COL19A1: variants seen among roughly 807,000 people sequenced by gnomAD.
COL19A1 encodes the protein collagen alpha-1(XIX) chain.
A neutral mutation model predicts 190.2 loss-of-function variants in COL19A1; 159 were observed. The observed-to-expected ratio is 0.84, with a 90% CI of 0.73 to 0.95. COL19A1 has a LOEUF of 0.95. Ranked by LOEUF, COL19A1 falls within the 40% of genes least tolerant of loss-of-function variation. The pLI is 0.00. For missense variants in COL19A1, 1,418 were observed against 1,431.9 expected (o/e 0.99, Z 0.16); for synonymous variants, 509 against 458.9 (o/e 1.11, Z -1.39).
At chr6:69,891,045 AC>A in intron 2 of COL19A1, 1 of 365,336 alleles carries the variant, frequency 2.7e-6, no homozygotes, top group Non-Finnish European at 5.6e-6. Context: ...CAGTTGCATG[AC>A]CATTTGGAGT....
At chr6:70,162,275 G>C (rs1055680193) in intron 35 of COL19A1, among the ~76,000 whole-genome samples, 9 of 151,608 alleles carry the variant, frequency 5.9e-5, no homozygotes, top group Middle Eastern at 3.2e-3. Context: ...CTTTAGAAGA[G>C]ATAGTCAAAT....
At chr6:70,050,577 A>G (rs1374995720) in intron 14 of COL19A1, among the ~76,000 whole-genome samples, 1 of 152,074 alleles carries the variant, frequency 6.6e-6, no homozygotes, top group African/African-American at 2.4e-5. Context: ...TGACAAACAA[A>G]TTATTAAAGT....
At chr6:69,903,664 C>T (rs1770334013) in intron 4 of COL19A1, among the ~76,000 whole-genome samples, 1 of 152,206 alleles carries the variant, frequency 6.6e-6, no homozygotes, top group Non-Finnish European at 1.5e-5. Context: ...AGCTCAGCTC[C>T]CTTCCATAGC....
intron 41 of COL19A1, among the ~76,000 whole-genome samples, chr6:70,175,281 A>C (rs1416639084): frequency 6.6e-6 from 1 of 152,102 alleles, no homozygotes; most frequent in Non-Finnish European, 1.5e-5. Context: ...TCTTATTGTA[A>C]ATATAACCTT....
chr6:69,996,232 T>C (rs1776896680), intron 11 of COL19A1, among the ~76,000 whole-genome samples: 1 of 152,144 alleles, frequency 6.6e-6, no homozygotes, highest in Non-Finnish European at 1.5e-5. Flanking sequence ...TCACAAAGGA[T>C]AATAATAGAA....
intron 31 of COL19A1, among the ~76,000 whole-genome samples, chr6:70,153,068 C>T (rs912335375): frequency 6.6e-6 from 1 of 152,036 alleles, no homozygotes; most frequent in Non-Finnish European, 1.5e-5. Flanking sequence ...GAGTCCATAA[C>T]GAGCAGGACA....
chr6:69,869,647 G>A (rs1429585027), intron 1 of COL19A1, among the ~76,000 whole-genome samples: 1 of 152,182 alleles, frequency 6.6e-6, no homozygotes, highest in African/African-American at 2.4e-5. Flanking sequence ...AGATATATCT[G>A]TGGAACACAA....
intron 11 of COL19A1, among the ~76,000 whole-genome samples, chr6:69,996,916 T>G (rs1776935024): frequency 6.8e-6 from 1 of 146,024 alleles, no homozygotes; most frequent in African/African-American, 2.5e-5. Context: ...TCAAAAAGAC[T>G]TGTGTGTGTG....
intron 11 of COL19A1, among the ~76,000 whole-genome samples, chr6:70,010,527 G>A (rs960952890): frequency 2.1e-5 from 3 of 142,150 alleles, no homozygotes; most frequent in East Asian, 2.2e-4. Flanking sequence ...CGGAAGCAGG[G>A]CGAGGCATTG....
chr6:70,002,125 T>C (rs1178414691), intron 11 of COL19A1, among the ~76,000 whole-genome samples: 1 of 152,200 alleles, frequency 6.6e-6, no homozygotes, highest in Non-Finnish European at 1.5e-5. Flanking sequence ...GAGATAATCA[T>C]GTGGTTTTTG....
intron 41 of COL19A1, among the ~76,000 whole-genome samples, chr6:70,175,059 G>T (rs1426188967): frequency 6.6e-6 from 1 of 152,218 alleles, no homozygotes; most frequent in Non-Finnish European, 1.5e-5. Flanking sequence ...AAAAGTTCTA[G>T]TATATTAATT....
intron 16 of COL19A1, among the ~76,000 whole-genome samples, chr6:70,118,405 G>A (rs1335806823): frequency 6.6e-6 from 1 of 152,208 alleles, no homozygotes; most frequent in Non-Finnish European, 1.5e-5. Context: ...AGTCAGAGTA[G>A]AGGGGGACTT....
intron 11 of COL19A1, among the ~76,000 whole-genome samples, chr6:69,996,897 ATCTC>A (rs1218037464): frequency 6.9e-6 from 1 of 144,742 alleles, no homozygotes; most frequent in African/African-American, 2.8e-5. Context: ...ACTGTACATA[ATCTC>A]TCTCTCAAAA....
At chr6:69,963,222 T>C (rs1285878829) in intron 11 of COL19A1, among the ~76,000 whole-genome samples, 1 of 152,180 alleles carries the variant, frequency 6.6e-6, no homozygotes, top group Non-Finnish European at 1.5e-5. Flanking sequence ...GTACAACTGG[T>C]TTATCAGTGG....
intron 2 of COL19A1, among the ~76,000 whole-genome samples, chr6:69,884,122 G>A (rs1768750125): frequency 6.6e-6 from 1 of 152,040 alleles, no homozygotes; most frequent in Non-Finnish European, 1.5e-5. Context: ...ATTGCCTGAG[G>A]TCAGGAGTTC....
At chr6:70,088,927 A>G (rs1414527373) in intron 15 of COL19A1, among the ~76,000 whole-genome samples, 1 of 152,182 alleles carries the variant, frequency 6.6e-6, no homozygotes, top group East Asian at 1.9e-4. Flanking sequence ...ATTGTTTCCA[A>G]CATTAGCTCC....
chr6:69,909,694 G>A (rs2149985013), intron 4 of COL19A1, among the ~76,000 whole-genome samples: 1 of 152,236 alleles, frequency 6.6e-6, no homozygotes, highest in Non-Finnish European at 1.5e-5. Flanking sequence ...GTGGCAGGCA[G>A]TTTGATTTTC....
rs188468275 is a variant in COL19A1 at position 70,154,114 on chromosome 6, C to A, written c.2080-2013C>A. Among the ~76,000 whole-genome samples, 28 of 149,526 alleles carry A rather than the reference C, an allele frequency of 1.9e-4. No individual in the cohort carries two copies. In the South Asian group the frequency reaches 3.3e-3, roughly 17 times the overall value. ...TAATGCTATCCCTCCCCTACCCCCC[C>A]CAACCCCCCACAGGCCCCAGTGTGT... On this transcript the variant is annotated intron_variant, in intron 31 of 50. Coordinates refer to ENST00000620364, the MANE Select transcript of COL19A1 (RefSeq NM_001858.6).
chr6:70,031,056 T>C lies in COL19A1; in HGVS notation c.1081-3189T>C, dbSNP rs569750377. ...AACACTTAAGTGGCTTCCCATTGCA[T>C]GTAGAACAAAACCCATCTTCCTCAT... On this transcript the variant is annotated intron_variant, in intron 12 of 50. Coordinates refer to ENST00000620364, the MANE Select transcript of COL19A1 (RefSeq NM_001858.6). 2.0e-5 allele frequency among the ~76,000 whole-genome samples: 3 copies of C among 152,326 alleles called. No individual in the cohort carries two copies. In the East Asian group the frequency reaches 5.8e-4, roughly 29 times the overall value.
Sources: gnomAD v4.1 joint callset for allele counts (sites outside exome capture counted in the v4.1 genomes callset) on GRCh38, gnomAD v4.1.1 for gene constraint, MANE v1.5 for transcripts, NCBI Gene and HGNC (gene_info 2026-07-23, HGNC 2026-07-21) for gene names.